Variants in STAU1 observed in about 807,000 individuals in gnomAD.
The protein encoded by STAU1 is staufen double-stranded RNA binding protein 1.
STAU1 carries 13 observed loss-of-function variants against 62.9 expected under a neutral mutation model. The ratio of observed to expected loss-of-function variants is 0.21; its 90% CI spans 0.13 to 0.33. The LOEUF is 0.33. Among genes scored for constraint, STAU1 ranks in the 10% least tolerant of loss-of-function variants. STAU1 has a pLI of 1.00. For missense variants in STAU1, 571 were observed against 712.1 expected (o/e 0.80, Z 2.25); for synonymous variants, 269 against 265.1 (o/e 1.01, Z -0.14).
chr20:49,165,169 C>T (rs960872158), intron 3 of STAU1, among the ~76,000 whole-genome samples: 1 of 151,692 alleles, frequency 6.6e-6, no homozygotes, highest in Non-Finnish European at 1.5e-5. Flanking sequence ...ATCAGCCTCC[C>T]GAATAGCTGG....
chr20:49,181,766 CAA>C (rs758956478), intron 1 of STAU1, among the ~76,000 whole-genome samples: 4 of 24,520 alleles, frequency 1.6e-4, no homozygotes, highest in South Asian at 1.2e-3. Flanking sequence ...ACTATCTCAA[CAA>C]AAAAAAAAAA....
the STAU1 span, among the ~76,000 whole-genome samples, chr20:49,213,919 A>AT: frequency 6.6e-6 from 1 of 152,140 alleles, no homozygotes; most frequent in Admixed American, 6.5e-5. Context: ...GAATCAGAAG[A>AT]TTTGGGGCCA....
chr20:49,188,817 T>A (rs1440941355), upstream of STAU1, among the ~76,000 whole-genome samples: 1 of 152,186 alleles, frequency 6.6e-6, no homozygotes, highest in Non-Finnish European at 1.5e-5. Flanking sequence ...AATGTAGTGG[T>A]GAACTGACAA....
At chr20:49,119,380 G>A (rs969245009) in intron 9 of STAU1, among the ~76,000 whole-genome samples, 2 of 152,080 alleles carry the variant, frequency 1.3e-5, no homozygotes, top group African/African-American at 4.8e-5. Flanking sequence ...GTTTCATCAT[G>A]TTGCTCAGAC....
At chr20:49,121,707 G>A (rs1367041960) in intron 8 of STAU1, among the ~76,000 whole-genome samples, 1 of 152,086 alleles carries the variant, frequency 6.6e-6, no homozygotes, top group Non-Finnish European at 1.5e-5. Flanking sequence ...CATCCTTTGT[G>A]TCAGTAAAAT....
chr20:49,158,050 G>A (rs137937401), intron 3 of STAU1, among the ~76,000 whole-genome samples: 3,720 of 152,092 alleles, frequency 0.024, 61 homozygotes, highest in Non-Finnish European at 0.037. Context: ...GGGAGGCAGA[G>A]GCGGGCAGAT....
chr20:49,124,165 G>A (rs1443234099), intron 7 of STAU1, among the ~76,000 whole-genome samples: 1 of 152,200 alleles, frequency 6.6e-6, no homozygotes, highest in Admixed American at 6.5e-5. Context: ...AGATGTGTGT[G>A]CCCGTCTGCG....
intron 5 of STAU1, among the ~76,000 whole-genome samples, chr20:49,149,251 A>ACACACAC (rs2093192108): frequency 7.6e-6 from 1 of 131,940 alleles, no homozygotes; most frequent in African/African-American, 2.9e-5. Context: ...ACTGTCTCAA[A>ACACACAC]ACACACACAC....
At position 49,168,982 on chromosome 20, in the gene STAU1, G is replaced by A. The variant is rs148060122; in HGVS notation, c.-84-2697C>T. 3.4e-5 allele frequency among the ~76,000 whole-genome samples: 5 copies of A among 147,750 alleles called. No individual in the cohort carries two copies. The East Asian group carries it at 5.9e-4, about 17-fold the overall frequency. On this transcript the variant is annotated intron_variant, in intron 2 of 13. Coordinates refer to ENST00000371856, the MANE Select transcript of STAU1 (RefSeq NM_017453.4). ...TTTTTTTTTTTTTTGAGACAGTCTC[G>A]CTCTGTTGCCTAGGGTGGAGTGCAG... is the stretch of plus-strand genomic sequence containing the variant.
At chr20:49,151,321 C>T (rs73268155) in intron 5 of STAU1, among the ~76,000 whole-genome samples, 6,543 of 152,230 alleles carry the variant, frequency 0.043, 466 homozygotes, top group African/African-American at 0.15. Flanking sequence ...AACTTTCTAA[C>T]GTGTTCACAC....
At chr20:49,183,009 T>C (rs1343885526) in intron 1 of STAU1, among the ~76,000 whole-genome samples, 1 of 152,200 alleles carries the variant, frequency 6.6e-6, no homozygotes, top group Non-Finnish European at 1.5e-5. Flanking sequence ...GCAACTAACA[T>C]GTCCTCTCAT....
intron 5 of STAU1, among the ~76,000 whole-genome samples, chr20:49,141,915 T>C (rs1476465759): frequency 2.6e-5 from 4 of 151,970 alleles, no homozygotes; most frequent in Non-Finnish European, 4.4e-5. Flanking sequence ...TTCTCAGAAA[T>C]TGCCTTTACC....
chr20:49,203,739 T>A, the STAU1 span, among the ~76,000 whole-genome samples: 1 of 152,256 alleles, frequency 6.6e-6, no homozygotes, highest in Non-Finnish European at 1.5e-5. Context: ...CAGGATGGAA[T>A]GCAGTGGCAC....
intron 1 of STAU1, among the ~76,000 whole-genome samples, chr20:49,181,268 C>T (rs569251722): frequency 6.6e-6 from 1 of 152,286 alleles, no homozygotes; most frequent in East Asian, 1.9e-4. Context: ...AACTTTCACC[C>T]TGTAATTCTA....
At chr20:49,122,281 C>T (rs899657596) in intron 8 of STAU1, among the ~76,000 whole-genome samples, 2 of 152,126 alleles carry the variant, frequency 1.3e-5, no homozygotes, top group African/African-American at 4.8e-5. Context: ...GAAGAGGTAA[C>T]CCTAGATTCC....
At position 49,158,763 on chromosome 20, in the gene STAU1, T is replaced by C. The variant is rs371883977; in HGVS notation, c.206-4692A>G. ...AGGCAGAGGTTGCAGTGAGCCAAGA[T>C]TGCACCACTGCACTCCAGTATGGGC... On this transcript the variant is annotated intron_variant, in intron 3 of 13. Transcript: ENST00000371856. Among the ~76,000 whole-genome samples the C allele has an allele frequency of 9.9e-5, 15 of 151,360 alleles. 1 individual carries two copies. Among genetic ancestry groups the C allele is most frequent in the South Asian group, 8.3e-4 (4 of 4,794 alleles).
chr20:49,154,017 T>A lies in STAU1; in HGVS notation c.260A>T (p.Lys87Ile). Residue 87 changes from lysine (K) to isoleucine (I), a missense_variant, in exon 4 of 14, where the codon AAA becomes ATA. Physicochemically the swap from Lys to Ile is moderately radical, Grantham distance 102. This residue lies in a region of STAU1 where 414 missense variants were observed against 499.6 expected (regional missense o/e 0.83). Transcript: ENST00000371856. ...LNALCMKLGK[K>I]PMYKPVDPYS... The stretch of plus-strand genomic sequence containing the variant: ...AGGGTCAACAGGCTTATACATTGGT[T>A]TTTTTCCAAGTTTCATGCACAGTGC... 1 of 1,613,776 alleles carries A rather than the reference T, an allele frequency of 6.2e-7. No individual in the cohort carries two copies. Among genetic ancestry groups the A allele is most frequent in the Non-Finnish European group, 8.5e-7 (1 of 1,179,950 alleles).
chr20:49,118,153 A>G (rs992333739), intron 10 of STAU1, 57 bp from the exon 11 acceptor site: 2 of 1,552,476 alleles, frequency 1.3e-6, no homozygotes, highest in Non-Finnish European at 1.8e-6. Context: ...GAAAAACGCA[A>G]TGACACCATC....
chr20:49,204,622 A>ATATATATGTG, the STAU1 span, among the ~76,000 whole-genome samples: 4 of 40,632 alleles, frequency 9.8e-5, no homozygotes, highest in Middle Eastern at 0.016. Context: ...ATATATATAT[A>ATATATATGTG]TGTGTATATA....
Sources: gnomAD v4.1 joint callset for allele counts (sites outside exome capture counted in the v4.1 genomes callset) on GRCh38, gnomAD v4.1.1 for gene constraint, gnomAD v4.1.1 regional missense constraint, MANE v1.5 for transcripts, NCBI Gene and HGNC (gene_info 2026-07-23, HGNC 2026-07-21) for gene names.